CDYL: variants seen among roughly 807,000 people sequenced by gnomAD.
CDYL encodes chromodomain Y-like protein.
A neutral mutation model predicts 47.3 loss-of-function variants in CDYL; 8 were observed. The observed-to-expected ratio is 0.17, with a 90% confidence interval of 0.10 to 0.31. The LOEUF (loss-of-function observed/expected upper bound fraction) is 0.31. Among genes scored for constraint, CDYL ranks in the 10% least tolerant of loss-of-function variants. The probability of loss-of-function intolerance (pLI) is 1.00; values close to 1 mark genes in which losing one functional copy is unlikely to be tolerated. For synonymous variants in CDYL, 266 were observed against 265.0 expected (o/e 1.00, Z -0.04); for missense variants, 471 against 701.4 (o/e 0.67, Z 3.71).
At chr6:4,730,534 C>T (rs967656096) in intron 2 of CDYL, among the ~76,000 whole-genome samples, 10 of 152,036 alleles carry the variant, frequency 6.6e-5, no homozygotes, top group Admixed American at 4.6e-4. Flanking sequence ...ATTAGCCTGG[C>T]GTGCTGGTGC....
intron 1 of CDYL, among the ~76,000 whole-genome samples, chr6:4,814,671 G>T (rs182037180): frequency 6.6e-6 from 1 of 151,962 alleles, no homozygotes; most frequent in South Asian, 2.1e-4. Context: ...GATTACAGCC[G>T]GCTACCATGC....
At chr6:4,810,443 T>G (rs1759496468) in intron 1 of CDYL, among the ~76,000 whole-genome samples, 1 of 152,180 alleles carries the variant, frequency 6.6e-6, no homozygotes. Flanking sequence ...CTTTCAGATT[T>G]TATCAGTTGT....
chr6:4,895,403 A>ATATATGTGCATATGTG lies in CDYL; in HGVS notation c.691+3024_691+3025insTATATGTGCATATGTG, dbSNP rs1491402758. Among the ~76,000 whole-genome samples the ATATATGTGCATATGTG allele has an allele frequency of 1.3e-3, 3 of 2,346 alleles. 1 individual carries two copies. Among genetic ancestry groups the ATATATGTGCATATGTG allele is most frequent in the African/African-American group, 1.3e-3 (3 of 2,314 alleles). The allele number at this position is 2,346 out of a possible 152,430, so 1.5% of individuals were successfully genotyped here. On this transcript the variant is annotated intron_variant, in intron 2 of 6. Coordinates refer to ENST00000397588, the MANE Select transcript of CDYL (RefSeq NM_004824.4). ...TATATATGTGCATATATGCATGTATACATGTATACGTATATATGCATGTAT... is the reference window on the plus strand; with the variant it reads ...TATATATGTGCATATATGCATGTATATATATGTGCATATGTGCATGTATACGTATATATGCATGTAT...
At chr6:4,823,020 G>C (rs558893976) in intron 1 of CDYL, among the ~76,000 whole-genome samples, 1 of 152,134 alleles carries the variant, frequency 6.6e-6, no homozygotes, top group East Asian at 1.9e-4. Flanking sequence ...GTGCATTGTC[G>C]TAAGAAGTCG....
intron 3 of CDYL, among the ~76,000 whole-genome samples, chr6:4,759,878 T>TAAAAAAAAAAAAAAAAAAAAA (rs1267590745): frequency 2.8e-4 from 1 of 3,512 alleles, no homozygotes; most frequent in Non-Finnish European, 8.1e-4. Flanking sequence ...AAACTCCATC[T>TAAAAAAAAAAAAAAAAAAAAA]CAAAAAAAAA....
chr6:4,939,929 T>C (rs1477562997), intron 4 of CDYL, among the ~76,000 whole-genome samples: 1 of 152,216 alleles, frequency 6.6e-6, no homozygotes, highest in Non-Finnish European at 1.5e-5. Flanking sequence ...TTCTGGGTCC[T>C]GGCTCCGTTT....
At chr6:4,884,638 C>G (rs573381573) in intron 1 of CDYL, among the ~76,000 whole-genome samples, 3 of 152,300 alleles carry the variant, frequency 2.0e-5, no homozygotes, top group East Asian at 3.9e-4. Context: ...GCCTCGGAGA[C>G]AAGATAGTGT....
At chr6:4,846,039 G>A (rs968584027) in intron 1 of CDYL, among the ~76,000 whole-genome samples, 1 of 152,084 alleles carries the variant, frequency 6.6e-6, no homozygotes, top group Non-Finnish European at 1.5e-5. Flanking sequence ...ACATTTAGGG[G>A]AAAAATTGGC....
chr6:4,929,025 G>A (rs1184613160), intron 2 of CDYL, among the ~76,000 whole-genome samples: 7 of 152,170 alleles, frequency 4.6e-5, no homozygotes, highest in African/African-American at 1.7e-4. Flanking sequence ...ATATTTACTG[G>A]TCTGATACTC....
chr6:4,722,394 A>G (rs1762201578), intron 2 of CDYL, among the ~76,000 whole-genome samples: 1 of 152,330 alleles, frequency 6.6e-6, no homozygotes, highest in Middle Eastern at 3.4e-3. Flanking sequence ...ACCTGTCTCA[A>G]GAAAACAAAG....
At position 4,891,860 on chromosome 6, in the gene CDYL, C is replaced by T. The variant is rs200651601; in HGVS notation, c.172C>T (p.Arg58Cys). The T allele has an allele frequency of 2.4e-4, 391 of 1,614,114 alleles. 2 individuals are homozygous for T. The highest frequency in any genetic ancestry group is 7.0e-4 in the South Asian group (64 of 91,076). ...CEEYIHDFNRRHTEKQKESTL... is the reference protein window; with the variant it reads ...CEEYIHDFNRCHTEKQKESTL... ...GGAATACATCCACGACTTCAACAGA[C>T]GCCACACGGAGAAGCAGAAGGAGAG... is the stretch of plus-strand genomic sequence containing the variant. Residue 58 changes from arginine (R) to cysteine (C), a missense_variant, in exon 2 of 7, where the codon CGC (arginine) becomes TGC (cysteine). Arg to Cys is a radical substitution (Grantham distance 180). This residue lies in a region of CDYL where 311 missense variants were observed against 350.0 expected (regional missense o/e 0.89). Transcript: ENST00000397588.
At chr6:4,811,932 C>G (rs553822290) in intron 1 of CDYL, among the ~76,000 whole-genome samples, 3 of 152,166 alleles carry the variant, frequency 2.0e-5, no homozygotes, top group African/African-American at 7.2e-5. Context: ...GTGTTGGTCT[C>G]CCCTGGAACC....
At chr6:4,860,575 A>G (rs1761137361) in intron 1 of CDYL, among the ~76,000 whole-genome samples, 1 of 147,004 alleles carries the variant, frequency 6.8e-6, no homozygotes, top group Non-Finnish European at 1.5e-5. Flanking sequence ...TATATTTTGT[A>G]TATTATGTAT....
At chr6:4,710,889 CAA>C (rs941524176) in intron 1 of CDYL, among the ~76,000 whole-genome samples, 39 of 148,508 alleles carry the variant, frequency 2.6e-4, no homozygotes, top group South Asian at 6.5e-4. Context: ...TGGAAATTGG[CAA>C]AGAGTGTAGA....
Position 4,901,189 on chromosome 6 carries a change from G to C in CDYL, c.691+8810G>C, listed in dbSNP as rs569274911. Reference sequence around the variant, plus strand: ...TTTCTTAGGTCAGATGACATAAAAGGAATATTTCTAACTATAGTTCTTGCT... The same window carrying C: ...TTTCTTAGGTCAGATGACATAAAAGCAATATTTCTAACTATAGTTCTTGCT... On this transcript the variant is annotated intron_variant, in intron 2 of 6. Transcript: ENST00000397588. Among the ~76,000 whole-genome samples, 5 of 152,116 alleles carry C rather than the reference G, an allele frequency of 3.3e-5. No individual in the cohort carries two copies. The South Asian group carries it at 8.3e-4, about 25-fold the overall frequency.
intron 1 of CDYL, among the ~76,000 whole-genome samples, chr6:4,830,732 T>C (rs1316153849): frequency 6.7e-6 from 1 of 149,874 alleles, no homozygotes; most frequent in Non-Finnish European, 1.5e-5. Flanking sequence ...TAGGTATATC[T>C]CCCAATGCTA....
At chr6:4,818,053 C>G (rs1439514162) in intron 1 of CDYL, among the ~76,000 whole-genome samples, 5 of 152,062 alleles carry the variant, frequency 3.3e-5, no homozygotes, top group Admixed American at 3.3e-4. Context: ...GCCCAGGGTT[C>G]AAGACCAGCC....
At chr6:4,939,829 T>C (rs1341146676) in intron 4 of CDYL, among the ~76,000 whole-genome samples, 1 of 152,256 alleles carries the variant, frequency 6.6e-6, no homozygotes, top group East Asian at 1.9e-4. Context: ...CTTTGCATGT[T>C]CTCCATAATA....
intron 4 of CDYL, 120 bp from the exon 5 acceptor site, chr6:4,943,426 T>C (rs1477750224): frequency 2.8e-6 from 2 of 722,206 alleles, no homozygotes; most frequent in South Asian, 1.9e-5. Context: ...CTTAAACAAA[T>C]CTCAAGTCTT....
Sources: gnomAD v4.1 joint callset for allele counts (sites outside exome capture counted in the v4.1 genomes callset) on GRCh38, gnomAD v4.1.1 for gene constraint, gnomAD v4.1.1 regional missense constraint, MANE v1.5 for transcripts, NCBI Gene and HGNC (gene_info 2026-07-23, HGNC 2026-07-21) for gene names.